DACH1: variants seen among roughly 807,000 people sequenced by gnomAD.
DACH1 encodes the protein dachshund family transcription factor 1.
DACH1 carries 12 observed loss-of-function variants against 54.2 expected under a neutral mutation model. That is an observed-to-expected ratio of 0.22 (90% CI 0.14 to 0.36). The LOEUF (loss-of-function observed/expected upper bound fraction) is 0.36. DACH1 is among the 10% of genes least tolerant of loss of function. The probability of loss-of-function intolerance (pLI) is 1.00; values close to 1 mark genes in which losing one functional copy is unlikely to be tolerated. For synonymous variants in DACH1, 386 were observed against 366.2 expected (o/e 1.05, Z -0.62); for missense variants, 805 against 929.8 (o/e 0.87, Z 1.75).
At chr13:71,740,107 G>A (rs9564837) in intron 1 of DACH1, among the ~76,000 whole-genome samples, 12,738 of 152,094 alleles carry the variant, frequency 0.084, 1,246 homozygotes, top group East Asian at 0.31. Context: ...ACATTGTCTC[G>A]TTAACTAGAA....
At chr13:71,606,091 G>A (rs1443033224) in intron 3 of DACH1, among the ~76,000 whole-genome samples, 1 of 151,948 alleles carries the variant, frequency 6.6e-6, no homozygotes, top group Non-Finnish European at 1.5e-5. Context: ...CTATTTTTCT[G>A]CTAGTACTGT....
At chr13:71,775,348 C>T (rs879921326) in intron 1 of DACH1, among the ~76,000 whole-genome samples, 2 of 151,666 alleles carry the variant, frequency 1.3e-5, no homozygotes, top group African/African-American at 2.4e-5. Context: ...AGAAGACAGA[C>T]AGATAACAGT....
At chr13:71,467,177 C>G (rs1249731933) in intron 10 of DACH1, among the ~76,000 whole-genome samples, 1 of 151,784 alleles carries the variant, frequency 6.6e-6, no homozygotes, top group East Asian at 1.9e-4. Flanking sequence ...CAAAAACCCA[C>G]AAGAGGCCTT....
intron 10 of DACH1, among the ~76,000 whole-genome samples, chr13:71,451,749 A>G (rs1875080166): frequency 6.6e-6 from 1 of 152,240 alleles, no homozygotes; most frequent in Admixed American, 6.5e-5. Flanking sequence ...ATTTAGATTC[A>G]GTAATGAAGG....
rs1877788606 is a variant in DACH1, at chr13:71,478,766, C to T, written c.1870+403G>A. Among the ~76,000 whole-genome samples the T allele has an allele frequency of 2.6e-5, 4 of 152,198 alleles. No homozygotes were observed. The South Asian group carries it at 8.3e-4, about 32-fold the overall frequency. ...TTCAGTTGATAAATATCTTAGTAAA[C>T]CTGCTTCACTTGAATAATCAGTATT... is the stretch of plus-strand genomic sequence containing the variant. On this transcript the variant is annotated intron_variant, in intron 8 of 10. Transcript: ENST00000613252.
intron 1 of DACH1, among the ~76,000 whole-genome samples, chr13:71,684,310 G>A (rs117640939): frequency 1.1e-3 from 173 of 152,148 alleles, no homozygotes; most frequent in Non-Finnish European, 2.2e-3. Flanking sequence ...AGATATCAGT[G>A]GTTCCCTACT....
intron 2 of DACH1, among the ~76,000 whole-genome samples, chr13:71,643,034 A>T (rs1334741587): frequency 6.6e-6 from 1 of 152,094 alleles, no homozygotes; most frequent in Non-Finnish European, 1.5e-5. Flanking sequence ...CAAAAAAAAA[A>T]ATTACAAATT....
intron 1 of DACH1, among the ~76,000 whole-genome samples, chr13:71,834,698 G>GAA (rs1888716102): frequency 7.0e-6 from 1 of 143,030 alleles, no homozygotes; most frequent in South Asian, 2.1e-4. Flanking sequence ...AGTGGCATCT[G>GAA]ATGCACTACT....
intron 3 of DACH1, among the ~76,000 whole-genome samples, chr13:71,586,970 G>T (rs1038564714): frequency 6.6e-6 from 1 of 151,934 alleles, no homozygotes; most frequent in East Asian, 1.9e-4. Flanking sequence ...TATCTGGAAA[G>T]CTTAAAACCT....
intron 3 of DACH1, among the ~76,000 whole-genome samples, 167 bp downstream of exon 3, chr13:71,630,389 A>C (rs1197796684): frequency 6.6e-6 from 1 of 152,210 alleles, no homozygotes; most frequent in Non-Finnish European, 1.5e-5. Context: ...ATGAACAATT[A>C]TCATTAGTTG....
At chr13:71,765,147 A>G (rs1459905037) in intron 1 of DACH1, among the ~76,000 whole-genome samples, 1 of 152,166 alleles carries the variant, frequency 6.6e-6, no homozygotes, top group East Asian at 1.9e-4. Context: ...CAAGTGCAAC[A>G]TTTCCATGAA....
chr13:71,578,563 T>C (rs1425798502), intron 3 of DACH1, among the ~76,000 whole-genome samples: 3 of 152,190 alleles, frequency 2.0e-5, no homozygotes, highest in Non-Finnish European at 4.4e-5. Context: ...TATTGTAATA[T>C]AGTCTTTAGG....
At position 71,813,905 on chromosome 13, in the gene DACH1, C is replaced by T. The variant is rs535355646; in HGVS notation, c.848+52017G>A. ...GAAGATATCTATCCAATGTGAAATG[C>T]CAATTTGGGGGCAAAATGATGGCTT... On this transcript the variant is annotated intron_variant, in intron 1 of 10. Coordinates refer to ENST00000613252, the MANE Select transcript of DACH1 (RefSeq NM_080759.6). Among the ~76,000 whole-genome samples the T allele has an allele frequency of 1.4e-3, 212 of 152,198 alleles. 1 individual carries two copies. Among genetic ancestry groups the T allele is most frequent in the African/African-American group, 4.7e-3 (196 of 41,540 alleles).
chr13:71,758,912 T>G (rs1468732955), intron 1 of DACH1, among the ~76,000 whole-genome samples: 1 of 149,618 alleles, frequency 6.7e-6, no homozygotes. Flanking sequence ...CCTCGCATTA[T>G]GTTGTTGCCA....
intron 1 of DACH1, among the ~76,000 whole-genome samples, chr13:71,798,973 C>G (rs938441050): frequency 6.6e-6 from 1 of 152,032 alleles, no homozygotes; most frequent in African/African-American, 2.4e-5. Context: ...AGCTTTTTTC[C>G]AACTGTTTGT....
chr13:71,715,871 C>T (rs1882942504), intron 1 of DACH1, among the ~76,000 whole-genome samples: 1 of 151,880 alleles, frequency 6.6e-6, no homozygotes, highest in African/African-American at 2.4e-5. Flanking sequence ...TGAAGTTTAG[C>T]TTATCAATTA....
chr13:71,492,085 GT>G (rs763888359), intron 6 of DACH1, among the ~76,000 whole-genome samples: 30 of 150,390 alleles, frequency 2.0e-4, no homozygotes, highest in East Asian at 1.2e-3. Context: ...GTAATTTCTT[GT>G]TTTTTTTTGT....
At chr13:71,629,284 G>A (rs1444622026) in intron 3 of DACH1, among the ~76,000 whole-genome samples, 2 of 152,072 alleles carry the variant, frequency 1.3e-5, no homozygotes, top group African/African-American at 4.8e-5. Flanking sequence ...GTCCTCTGCA[G>A]TTGTAGGGCC....
At chr13:71,465,971 G>A (rs1876529589) in intron 10 of DACH1, among the ~76,000 whole-genome samples, 1 of 152,008 alleles carries the variant, frequency 6.6e-6, no homozygotes. Context: ...TATTTGTTGA[G>A]CTTCTTAATA....
Sources: gnomAD v4.1 joint callset for allele counts (sites outside exome capture counted in the v4.1 genomes callset) on GRCh38, gnomAD v4.1.1 for gene constraint, MANE v1.5 for transcripts, NCBI Gene and HGNC (gene_info 2026-07-23, HGNC 2026-07-21) for gene names.